Variants in PCDHGA5 observed in about 807,000 individuals in gnomAD.
PCDHGA5 encodes protocadherin gamma-A5.
Under a neutral mutation model 56.7 loss-of-function variants are expected in PCDHGA5, and 36 were observed. The ratio of observed to expected loss-of-function variants is 0.64; its 90% CI spans 0.49 to 0.84. The LOEUF (loss-of-function observed/expected upper bound fraction) is 0.84, where lower values mean the gene tolerates loss of function less well. PCDHGA5 is among the 40% of genes least tolerant of loss of function. PCDHGA5 has a pLI of 0.00. For missense variants in PCDHGA5, 1,305 were observed against 1,201.5 expected (o/e 1.09, Z -1.27); for synonymous variants, 563 against 520.2 (o/e 1.08, Z -1.12).
At position 141,511,076 on chromosome 5, in the gene PCDHGA5, A is replaced by G. The variant is rs201009079; in HGVS notation, c.2699A>G (p.Asn900Ser). 19 of 1,614,218 alleles carry G rather than the reference A, an allele frequency of 1.2e-5. No individual in the cohort carries two copies. In the East Asian group the frequency reaches 3.6e-4, roughly 30 times the overall value. ...CAGAATGTCTACATCCCAGGCAGCA[A>G]TGCCACACTGACCAACGCAGCTGGC... ...YRQNVYIPGS[N>S]ATLTNAAGKR... Residue 900 changes from asparagine (N) to serine (S), a missense_variant, in exon 4 of 4, where the codon AAT (asparagine) becomes AGT (serine). Coordinates refer to ENST00000518069, the MANE Select transcript of PCDHGA5 (RefSeq NM_018918.3).
intron 1 of PCDHGA5, among the ~76,000 whole-genome samples, chr5:141,459,757 G>T (rs1360124889): frequency 6.6e-6 from 1 of 152,162 alleles, no homozygotes; most frequent in Admixed American, 6.6e-5. Flanking sequence ...ATTCTAGTGG[G>T]TGTGTGATAC....
intron 1 of PCDHGA5, chr5:141,382,918 G>T: frequency 2.6e-6 from 4 of 1,558,926 alleles, no homozygotes; most frequent in Non-Finnish European, 3.5e-6. Context: ...TCAGCCGAGG[G>T]GCGGGGACTA....
chr5:141,509,819 C>T (rs1008625658), intron 3 of PCDHGA5, among the ~76,000 whole-genome samples: 3 of 152,154 alleles, frequency 2.0e-5, no homozygotes, highest in African/African-American at 7.2e-5. Context: ...AGCTCTTCTC[C>T]ATCTTCTCTC....
Position 141,432,201 on chromosome 5 carries a change from G to T in PCDHGA5, c.2422-62606G>T, listed in dbSNP as rs761075658. On this transcript the variant is annotated intron_variant, in intron 1 of 3. Transcript: ENST00000518069. This position sits in a 1 kb window ranked among gnomAD's most constrained non-coding sequence, Gnocchi z 6.0. ...TCTGTGACCGCCCACGACCCCGACT[G>T]TGAAGAGAACGCCCAGATCACTTAT... 1.8e-5 allele frequency: 29 copies of T among 1,614,092 alleles called. No homozygotes were observed. The South Asian group carries it at 2.9e-4, about 16-fold the overall frequency.
At chr5:141,475,987 C>A in intron 1 of PCDHGA5, 2 of 1,101,540 alleles carry the variant, frequency 1.8e-6, no homozygotes, top group Non-Finnish European at 2.6e-6. Flanking sequence ...AGCCGGCGAG[C>A]AAATCAACGG....
chr5:141,491,381 C>A lies in PCDHGA5; in HGVS notation c.2422-3426C>A. On this transcript the variant is annotated intron_variant, in intron 1 of 3. Transcript: ENST00000518069. This position sits in a 1 kb window ranked among gnomAD's most constrained non-coding sequence, Gnocchi z 6.9. ...CTAGTCACCTTCACCTTTCTGTCAGCGAAGTGCCTTCAGGGAAACGCAGAC... is the reference window on the plus strand; with the variant it reads ...CTAGTCACCTTCACCTTTCTGTCAGAGAAGTGCCTTCAGGGAAACGCAGAC... 2 of 1,614,068 alleles carry A rather than the reference C, an allele frequency of 1.2e-6. No homozygotes were observed. The highest frequency in any genetic ancestry group is 1.7e-6 in the Non-Finnish European group (2 of 1,179,950).
chr5:141,456,434 G>A (rs1418917805), intron 1 of PCDHGA5, among the ~76,000 whole-genome samples: 1 of 152,108 alleles, frequency 6.6e-6, no homozygotes, highest in Non-Finnish European at 1.5e-5. Flanking sequence ...TTATAGTATT[G>A]AGTATACAGA....
At chr5:141,371,260 G>C in intron 1 of PCDHGA5, 1 of 1,614,034 alleles carries the variant, frequency 6.2e-7, no homozygotes, top group Non-Finnish European at 8.5e-7. Flanking sequence ...AAGGAAGTGA[G>C]ACAACTGTTC....
At chr5:141,423,642 T>C (rs1293550754) in intron 1 of PCDHGA5, 2 of 1,596,770 alleles carry the variant, frequency 1.3e-6, no homozygotes, top group African/African-American at 2.7e-5. Flanking sequence ...TAGGCAAATG[T>C]GACCCGACAA....
rs373591066 is a variant in PCDHGA5, at chr5:141,404,487, G to A, written c.2421+37736G>A. On this transcript the variant is annotated intron_variant, in intron 1 of 3. Transcript: ENST00000518069. The stretch of plus-strand genomic sequence containing the variant: ...TATGTCTCTATTAACTCAGACACTG[G>A]TGTGCTGTATGCTCTGTGCTCCTTT... 6.8e-6 allele frequency: 11 copies of A among 1,613,722 alleles called. No homozygotes were observed. Among genetic ancestry groups the A allele is most frequent in the Admixed American group, 1.7e-5 (1 of 60,008 alleles).
chr5:141,448,118 G>A (rs1356488538), intron 1 of PCDHGA5, among the ~76,000 whole-genome samples: 1 of 151,534 alleles, frequency 6.6e-6, no homozygotes, highest in East Asian at 1.9e-4. Flanking sequence ...AAGAAAATTA[G>A]CCTCCCCCAC....
In PCDHGA5 at chr5:141,364,973, T is replaced by G. The variant is rs752099711; in HGVS notation, c.643T>G (p.Leu215Val). 1 of 1,613,760 alleles carries G rather than the reference T, an allele frequency of 6.2e-7. No individual in the cohort carries two copies. Among genetic ancestry groups the G allele is most frequent in the Non-Finnish European group, 8.5e-7 (1 of 1,179,902 alleles). Residue 215 changes from leucine to valine, a missense_variant, in exon 1 of 4, where the codon TTA becomes GTA. By Grantham distance (32) the Leu-to-Val change is conservative. Coordinates refer to ENST00000518069, the MANE Select transcript of PCDHGA5 (RefSeq NM_018918.3). ...ETVHDLLLTALDGGDPVLSGT... is the reference protein window; with the variant it reads ...ETVHDLLLTAVDGGDPVLSGT... ...TGTTCACGACCTCCTCCTCACAGCT[T>G]TAGATGGCGGAGACCCGGTACTCTC...
Position 141,365,601 on chromosome 5 carries a change from T to G in PCDHGA5, c.1271T>G (p.Val424Gly). The G allele has an allele frequency of 6.2e-7, 1 of 1,613,644 alleles. No homozygotes were observed. Among genetic ancestry groups the G allele is most frequent in the Non-Finnish European group, 8.5e-7 (1 of 1,179,880 alleles). ...ETSDYNITLT[V>G]MDHGTPPLST... is the part of the protein sequence containing the mutation. ...TCAGATTATAATATCACTTTAACCG[T>G]CATGGACCATGGAACCCCGCCCCTC... The change falls in exon 1 of 4, where the codon GTC becomes GGC. Residue 424 changes from valine to glycine, a missense_variant. Transcript: ENST00000518069.
At chr5:141,492,710 G>A (rs11953270) in intron 1 of PCDHGA5, among the ~76,000 whole-genome samples, 27,341 of 152,278 alleles carry the variant, frequency 0.18, 2,647 homozygotes, top group Admixed American at 0.28. Flanking sequence ...GAAGCCTCGA[G>A]CAGGCGGACA....
chr5:141,383,020 A>T (rs1778718840), intron 1 of PCDHGA5: 1 of 1,613,730 alleles, frequency 6.2e-7, no homozygotes, highest in African/African-American at 1.3e-5. Context: ...GGAGACGGAC[A>T]AAGGGTCCTT....
chr5:141,482,562 C>A (rs1030078543), intron 1 of PCDHGA5, among the ~76,000 whole-genome samples: 68 of 142,616 alleles, frequency 4.8e-4, no homozygotes, highest in African/African-American at 1.8e-3. Flanking sequence ...TAATGGAGAT[C>A]TGCATAGCAT....
chr5:141,374,610 G>C (rs773630975), intron 1 of PCDHGA5: 2 of 1,613,524 alleles, frequency 1.2e-6, no homozygotes, highest in Non-Finnish European at 1.7e-6. Context: ...AGTGGTAATA[G>C]TCACTTCTCA....
At position 141,485,480 on chromosome 5, in the gene PCDHGA5, A is replaced by G. The variant is rs535194185; in HGVS notation, c.2422-9327A>G. On this transcript the variant is annotated intron_variant, in intron 1 of 3. Transcript: ENST00000518069. The surrounding 1 kb of genome is among the most constrained non-coding windows in gnomAD (Gnocchi z 5.7). Reference sequence around the variant, plus strand: ...ACTGTGTGGGCTCAGTGCCAGCTGCATCGTGCCCCTGGAGTTTGTCACCGA... The same window carrying G: ...ACTGTGTGGGCTCAGTGCCAGCTGCGTCGTGCCCCTGGAGTTTGTCACCGA... The G allele has an allele frequency of 2.5e-6, 4 of 1,614,154 alleles. No individual in the cohort carries two copies. The South Asian group carries it at 3.3e-5, about 13-fold the overall frequency.
chr5:141,428,106 C>T, intron 1 of PCDHGA5: 1 of 1,608,152 alleles, frequency 6.2e-7, no homozygotes. Context: ...CCACGTGCTG[C>T]AGGCCATCGA....
Sources: gnomAD v4.1 joint callset for allele counts (sites outside exome capture counted in the v4.1 genomes callset) on GRCh38, gnomAD v4.1.1 for gene constraint, Gnocchi (gnomAD v3.1) non-coding constraint, MANE v1.5 for transcripts, NCBI Gene and HGNC (gene_info 2026-07-23, HGNC 2026-07-21) for gene names.